TACR3: variants seen among roughly 807,000 people sequenced by gnomAD.
The protein encoded by TACR3 is tachykinin receptor 3.
In TACR3, 34 loss-of-function variants were observed where a neutral mutation model predicts 35.0. The observed-to-expected ratio is 0.97, with a 90% CI of 0.74 to 1.30. TACR3 has a LOEUF of 1.30. TACR3 is among the 50% of genes most tolerant of loss of function. The pLI is 0.00. For synonymous variants in TACR3, 233 were observed against 221.1 expected, an observed-to-expected ratio of 1.05 and a Z score of -0.48; for missense variants, 558 against 591.7, an observed-to-expected ratio of 0.94 and a Z score of 0.59.
chr4:103,613,372 A>G (rs565898645), intron 3 of TACR3, among the ~76,000 whole-genome samples: 69 of 152,308 alleles, frequency 4.5e-4, no homozygotes, highest in Non-Finnish European at 7.4e-4. Context: ...AGCATTACTT[A>G]GGGAAAACTG....
chr4:103,595,019 G>C (rs1242087544), intron 3 of TACR3, among the ~76,000 whole-genome samples: 1 of 152,026 alleles, frequency 6.6e-6, no homozygotes, highest in Non-Finnish European at 1.5e-5. Context: ...TAGGCTCTTG[G>C]GTGGGAGAAA....
intron 1 of TACR3, among the ~76,000 whole-genome samples, chr4:103,707,423 A>AT (rs1161829803): frequency 2.0e-5 from 3 of 152,022 alleles, no homozygotes; most frequent in African/African-American, 4.8e-5. Flanking sequence ...ATATTGACGT[A>AT]TTTTTTTCTC....
At chr4:103,596,688 T>C (rs1428939985) in intron 3 of TACR3, among the ~76,000 whole-genome samples, 1 of 152,114 alleles carries the variant, frequency 6.6e-6, no homozygotes, top group African/African-American at 2.4e-5. Context: ...TGTCCCATGT[T>C]GGTCTGCTGC....
At position 103,719,786 on chromosome 4, in the gene TACR3, G is replaced by C; in HGVS notation, c.-111C>G. 7.3e-7 allele frequency: 1 copy of C among 1,362,640 alleles called. No homozygotes were observed. The highest frequency in any genetic ancestry group is 1.0e-6 in the Non-Finnish European group (1 of 987,044). 84.4% of individuals were successfully genotyped at this position (1,362,640 alleles called of 1,614,324 possible). A position where few individuals can be genotyped will look rare whatever the true frequency, so the allele number is the denominator to read the frequency against. On this transcript the variant is annotated 5_prime_UTR_variant, in exon 1 of 5. In the 5' UTR this introduces an upstream ATG that the reference lacks. Coordinates refer to ENST00000304883, the MANE Select transcript of TACR3 (RefSeq NM_001059.3). ...GGTCACTTTGGTGCCGGAGTCTTCAGATAAGACTGGAAGCTGAAAGATACT... is the reference window on the plus strand; with the variant it reads ...GGTCACTTTGGTGCCGGAGTCTTCACATAAGACTGGAAGCTGAAAGATACT...
intron 1 of TACR3, among the ~76,000 whole-genome samples, chr4:103,704,942 T>C (rs926761435): frequency 6.6e-6 from 1 of 152,228 alleles, no homozygotes. Flanking sequence ...GGAAGAATTG[T>C]GGCTATATTC....
intron 4 of TACR3, 31 bp from the exon 5 acceptor site, chr4:103,590,025 G>C (rs1187653742): frequency 6.2e-7 from 1 of 1,600,862 alleles, no homozygotes; most frequent in South Asian, 1.1e-5. Context: ...GAAAGAAAAA[G>C]TTATTTTTTC....
intron 3 of TACR3, among the ~76,000 whole-genome samples, chr4:103,606,193 TTG>T (rs1724358213): frequency 1.3e-5 from 2 of 151,960 alleles, no homozygotes; most frequent in Admixed American, 6.6e-5. Flanking sequence ...TATCTCTGTT[TTG>T]GTACCAGTAC....
intron 3 of TACR3, among the ~76,000 whole-genome samples, chr4:103,638,389 G>A (rs1464000624): frequency 6.6e-6 from 1 of 151,928 alleles, no homozygotes; most frequent in African/African-American, 2.4e-5. Flanking sequence ...CTAGCCATAT[G>A]TAGAAAGCTG....
chr4:103,631,326 T>TA (rs1005097144), intron 3 of TACR3, among the ~76,000 whole-genome samples: 3 of 152,002 alleles, frequency 2.0e-5, no homozygotes, highest in South Asian at 2.1e-4. Context: ...TAAAGTATAA[T>TA]AAAAAAATGA....
At chr4:103,676,755 A>C (rs552813832) in intron 1 of TACR3, among the ~76,000 whole-genome samples, 2 of 152,300 alleles carry the variant, frequency 1.3e-5, no homozygotes, top group South Asian at 4.1e-4. Flanking sequence ...ACCCCATAAA[A>C]ACCCTGGAAG....
intron 3 of TACR3, among the ~76,000 whole-genome samples, chr4:103,595,974 C>A (rs1724005293): frequency 6.8e-6 from 1 of 146,092 alleles, no homozygotes; most frequent in Non-Finnish European, 1.5e-5. Context: ...TTGTTCAATA[C>A]CCACCTATGA....
intron 3 of TACR3, among the ~76,000 whole-genome samples, chr4:103,634,836 C>T (rs974676034): frequency 6.6e-6 from 1 of 152,086 alleles, no homozygotes; most frequent in African/African-American, 2.4e-5. Flanking sequence ...ACATTTATCC[C>T]TTTCCATTTC....
chr4:103,710,073 C>G (rs1722907221), intron 1 of TACR3, among the ~76,000 whole-genome samples: 1 of 152,142 alleles, frequency 6.6e-6, no homozygotes, highest in Admixed American at 6.5e-5. Context: ...CTTTAACACT[C>G]CCCTGTCAAC....
At chr4:103,624,109 T>C (rs945888514) in intron 3 of TACR3, among the ~76,000 whole-genome samples, 3 of 152,204 alleles carry the variant, frequency 2.0e-5, no homozygotes, top group African/African-American at 7.2e-5. Context: ...GAAGGACCCG[T>C]TGCTTATTCT....
chr4:103,638,844 C>T (rs1725274658), intron 3 of TACR3, among the ~76,000 whole-genome samples: 2 of 152,134 alleles, frequency 1.3e-5, no homozygotes, highest in African/African-American at 4.8e-5. Context: ...AAAAAATGCT[C>T]ATCATCACTG....
chr4:103,672,891 A>C (rs780501356), intron 1 of TACR3, among the ~76,000 whole-genome samples: 6 of 152,204 alleles, frequency 3.9e-5, no homozygotes, highest in Non-Finnish European at 8.8e-5. Context: ...GATCTTAACT[A>C]GGTCCTTTAG....
In TACR3 at chr4:103,606,538, C is replaced by T. The variant is rs1257554206; in HGVS notation, c.889-14855G>A. On this transcript the variant is annotated intron_variant, in intron 3 of 4. Coordinates refer to ENST00000304883, the MANE Select transcript of TACR3 (RefSeq NM_001059.3). The stretch of plus-strand genomic sequence containing the variant: ...TGTAGTTCTCCTTGAAGAGCTCCTT[C>T]ATATCCCTTGTAAGTTGGATTCCTA... Among the ~76,000 whole-genome samples, 7 of 152,318 alleles carry T rather than the reference C, an allele frequency of 4.6e-5. No homozygotes were observed. In the East Asian group the frequency reaches 1.3e-3, roughly 29 times the overall value.
intron 1 of TACR3, among the ~76,000 whole-genome samples, chr4:103,699,035 A>ATAGT (rs1722588755): frequency 6.6e-6 from 1 of 152,198 alleles, no homozygotes; most frequent in Non-Finnish European, 1.5e-5. Flanking sequence ...ATGTGTTCTC[A>ATAGT]TAGTTACCAT....
Position 103,588,006 on chromosome 4 carries a change from T to C in TACR3, c.*1676A>G, listed in dbSNP as rs1723809061. The C allele has an allele frequency of 6.6e-6, 1 of 150,654 alleles. No homozygotes were observed. The highest frequency in any genetic ancestry group is 1.5e-5 in the Non-Finnish European group (1 of 67,684). The allele number at this position is 150,654 out of a possible 1,614,324, so 9.3% of individuals were successfully genotyped here. ...TGTGTGTGTGTGTGTGTGTGTCTCT[T>C]TGTTTATTGGTATCATCAGAAGAAA... On this transcript the variant is annotated 3_prime_UTR_variant, in exon 5 of 5. Coordinates refer to ENST00000304883, the MANE Select transcript of TACR3 (RefSeq NM_001059.3).
Sources: allele counts gnomAD v4.1 joint callset (sites outside exome capture counted in the v4.1 genomes callset), GRCh38; gene constraint gnomAD v4.1.1; transcripts MANE v1.5; gene names NCBI Gene and HGNC (gene_info 2026-07-23, HGNC 2026-07-21).